Variants in CTNNA3 observed in about 807,000 individuals in gnomAD.
The protein encoded by CTNNA3 is catenin alpha-3.
CTNNA3 carries 76 observed loss-of-function variants against 95.7 expected under a neutral mutation model. The ratio of observed to expected loss-of-function variants is 0.79; its 90% confidence interval spans 0.66 to 0.96. The LOEUF (loss-of-function observed/expected upper bound fraction) is 0.96. Among genes scored for constraint, CTNNA3 ranks in the 40% least tolerant of loss-of-function variants. CTNNA3 has a pLI of 0.00. For missense variants in CTNNA3, 1,191 were observed against 1,089.8 expected (o/e 1.09, Z -1.31); for synonymous variants, 431 against 374.4 (o/e 1.15, Z -1.74).
At chr10:67,437,952 A>G (rs982750747) in intron 5 of CTNNA3, among the ~76,000 whole-genome samples, 9 of 152,020 alleles carry the variant, frequency 5.9e-5, no homozygotes, top group African/African-American at 1.9e-4. Flanking sequence ...TAAAAATGGT[A>G]GAATTTTGGT....
intron 12 of CTNNA3, among the ~76,000 whole-genome samples, chr10:66,344,258 T>C (rs888905827): frequency 3.3e-5 from 5 of 151,134 alleles, no homozygotes; most frequent in African/African-American, 1.2e-4. Flanking sequence ...CAATGTGTTT[T>C]TGTTGTTGTT....
At chr10:66,443,392 C>T (rs1490091114) in intron 11 of CTNNA3, among the ~76,000 whole-genome samples, 1 of 152,182 alleles carries the variant, frequency 6.6e-6, no homozygotes, top group East Asian at 1.9e-4. Context: ...AGCAGCCTAA[C>T]TGGGAGGCGC....
chr10:66,951,064 G>T (rs2132720646), intron 7 of CTNNA3, among the ~76,000 whole-genome samples: 1 of 149,966 alleles, frequency 6.7e-6, no homozygotes, highest in Non-Finnish European at 1.5e-5. Flanking sequence ...CAAGGCTATT[G>T]CCAGCTTTTT....
chr10:66,600,438 AT>A (rs1843879694), intron 10 of CTNNA3, among the ~76,000 whole-genome samples: 1 of 151,808 alleles, frequency 6.6e-6, no homozygotes, highest in South Asian at 2.1e-4. Context: ...AACACCACCC[AT>A]AAAAATCAGC....
At chr10:67,123,571 C>G (rs1276842709) in intron 7 of CTNNA3, among the ~76,000 whole-genome samples, 1 of 151,858 alleles carries the variant, frequency 6.6e-6, no homozygotes. Context: ...TTTTCTTTAA[C>G]CCATCTACAC....
chr10:65,951,086 C>T (rs568276057), intron 17 of CTNNA3, among the ~76,000 whole-genome samples: 18 of 152,292 alleles, frequency 1.2e-4, no homozygotes, highest in African/African-American at 4.3e-4. Context: ...TCTAGGTTTG[C>T]AATTAGCAGG....
chr10:67,035,392 T>C (rs1853981421), intron 7 of CTNNA3, among the ~76,000 whole-genome samples: 1 of 152,184 alleles, frequency 6.6e-6, no homozygotes, highest in African/African-American at 2.4e-5. Flanking sequence ...TGGAATGACT[T>C]TATATTTATA....
intron 1 of CTNNA3, among the ~76,000 whole-genome samples, chr10:67,667,811 T>C (rs933013298): frequency 6.6e-5 from 10 of 152,146 alleles, no homozygotes; most frequent in African/African-American, 2.4e-4. Context: ...ATTATATTCT[T>C]TTATGAAATT....
At chr10:66,442,967 A>C (rs935515281) in intron 11 of CTNNA3, among the ~76,000 whole-genome samples, 7 of 152,178 alleles carry the variant, frequency 4.6e-5, no homozygotes, top group African/African-American at 7.2e-5. Context: ...CTAATACTGC[A>C]CTTTTCCAAT....
intron 10 of CTNNA3, among the ~76,000 whole-genome samples, chr10:66,525,423 T>C (rs1465075559): frequency 6.6e-6 from 1 of 152,166 alleles, no homozygotes; most frequent in East Asian, 1.9e-4. Flanking sequence ...GTCATCTCCA[T>C]TTTCAGGTAA....
At chr10:66,619,846 T>C (rs1844681059) in intron 10 of CTNNA3, among the ~76,000 whole-genome samples, 1 of 152,106 alleles carries the variant, frequency 6.6e-6, no homozygotes, top group African/African-American at 2.4e-5. Flanking sequence ...TGTGTACGTG[T>C]ATTTATGTTT....
intron 11 of CTNNA3, among the ~76,000 whole-genome samples, chr10:66,400,210 A>T (rs74141490): frequency 0.018 from 2,795 of 152,178 alleles, 84 homozygotes; most frequent in African/African-American, 0.064. Flanking sequence ...GAATACAAAT[A>T]AACCAACCAT....
chr10:66,110,084 G>A (rs2082063364), intron 13 of CTNNA3, among the ~76,000 whole-genome samples: 3 of 151,902 alleles, frequency 2.0e-5, no homozygotes, highest in Admixed American at 2.0e-4. Context: ...AAAGGGTCTG[G>A]GCACAGTGGC....
intron 7 of CTNNA3, among the ~76,000 whole-genome samples, chr10:66,823,501 TG>T (rs1284504482): frequency 6.6e-6 from 1 of 152,122 alleles, no homozygotes; most frequent in Non-Finnish European, 1.5e-5. Context: ...GTCAGGCAGC[TG>T]GAGGCTGGAG....
In CTNNA3 at chr10:66,810,071, C is replaced by T. The variant is rs1387785091; in HGVS notation, c.1048-34547G>A. ...CCACCTGCCTCGGCCTCTCAAAGTG[C>T]TGGGATTGAATTGCAGATTTTTAGC... On this transcript the variant is annotated intron_variant, in intron 7 of 17. Coordinates refer to ENST00000433211, the MANE Select transcript of CTNNA3 (RefSeq NM_013266.4). Among the ~76,000 whole-genome samples the T allele has an allele frequency of 3.9e-5, 6 of 152,126 alleles. No individual in the cohort carries two copies. In the East Asian group the frequency reaches 9.6e-4, roughly 24 times the overall value.
intron 12 of CTNNA3, among the ~76,000 whole-genome samples, chr10:66,357,331 C>G (rs2092618725): frequency 6.6e-6 from 1 of 151,888 alleles, no homozygotes; most frequent in Non-Finnish European, 1.5e-5. Context: ...TTTTTTTTGA[C>G]AGCTTTAAGA....
At chr10:67,133,376 T>TACACACAC (rs1429660924) in intron 7 of CTNNA3, among the ~76,000 whole-genome samples, 3 of 133,332 alleles carry the variant, frequency 2.3e-5, no homozygotes, top group African/African-American at 8.8e-5. Context: ...CATATATATA[T>TACACACAC]ATACACACAC....
chr10:66,631,707 A>G (rs950363436), intron 9 of CTNNA3, among the ~76,000 whole-genome samples: 1 of 152,152 alleles, frequency 6.6e-6, no homozygotes, highest in African/African-American at 2.4e-5. Context: ...CATTCCCACT[A>G]TAAGTGAGGT....
In CTNNA3 at chr10:66,621,768, C is replaced by G; in HGVS notation, c.1298G>C (p.Cys433Ser). 1 of 1,606,238 alleles carries G rather than the reference C, an allele frequency of 6.2e-7. No homozygotes were observed. The highest frequency in any genetic ancestry group is 8.5e-7 in the Non-Finnish European group (1 of 1,177,116). Reference protein sequence around the residue: ...SRLVEVANLACSMSTNEDGIK... With the variant: ...SRLVEVANLASSMSTNEDGIK... ...TCCATCTTCATTTGTTGACATGGAACAAGCAAGATTTGCCACCTTAAATAC... is the reference window on the plus strand; with the variant it reads ...TCCATCTTCATTTGTTGACATGGAAGAAGCAAGATTTGCCACCTTAAATAC... Residue 433 changes from cysteine to serine, a missense_variant, in exon 10 of 18, where the codon TGT (cysteine) becomes TCT (serine). Coordinates refer to ENST00000433211, the MANE Select transcript of CTNNA3 (RefSeq NM_013266.4).
Sources: allele counts gnomAD v4.1 joint callset (sites outside exome capture counted in the v4.1 genomes callset), GRCh38; gene constraint gnomAD v4.1.1; transcripts MANE v1.5; gene names NCBI Gene and HGNC (gene_info 2026-07-23, HGNC 2026-07-21).